MAGI1: variants seen among roughly 807,000 people sequenced by gnomAD.
MAGI1 encodes the protein membrane-associated guanylate kinase, WW and PDZ domain-containing protein 1.
MAGI1 carries 58 observed loss-of-function variants against 139.9 expected under a neutral mutation model. The observed-to-expected ratio is 0.41, with a 90% confidence interval of 0.34 to 0.52. MAGI1 has a LOEUF of 0.52. MAGI1 is among the 20% of genes least tolerant of loss of function. The pLI, the probability that MAGI1 is intolerant of heterozygous loss-of-function variation, is 0.12. For synonymous variants in MAGI1, 812 were observed against 737.9 expected (o/e 1.10, Z -1.63); for missense variants, 1,874 against 1,901.6 (o/e 0.99, Z 0.27).
At chr3:65,366,251 TG>T (rs1045638219) in intron 18 of MAGI1, among the ~76,000 whole-genome samples, 1 of 152,222 alleles carries the variant, frequency 6.6e-6, no homozygotes. Flanking sequence ...TATGAGACCT[TG>T]TATAAGTTAT....
intron 1 of MAGI1, among the ~76,000 whole-genome samples, chr3:65,857,006 G>A (rs73832985): frequency 2.0e-4 from 31 of 152,226 alleles, no homozygotes; most frequent in African/African-American, 6.7e-4. Flanking sequence ...ACACCCTGAC[G>A]GCCCTGTTTA....
intron 1 of MAGI1, among the ~76,000 whole-genome samples, chr3:65,893,379 G>A (rs2108584972): frequency 6.8e-6 from 1 of 146,352 alleles, no homozygotes; most frequent in East Asian, 2.0e-4. Context: ...CCGGTTTCTT[G>A]CCTGGAGAAA....
intron 1 of MAGI1, among the ~76,000 whole-genome samples, chr3:65,788,270 C>T (rs929824013): frequency 6.6e-6 from 1 of 152,212 alleles, no homozygotes; most frequent in Non-Finnish European, 1.5e-5. Flanking sequence ...ACACAATGAT[C>T]CCACACGCTT....
At chr3:65,758,390 G>A (rs2036725568) in intron 1 of MAGI1, among the ~76,000 whole-genome samples, 1 of 152,134 alleles carries the variant, frequency 6.6e-6, no homozygotes, top group African/African-American at 2.4e-5. Flanking sequence ...CAGTCTGACT[G>A]CTCTTTTCTT....
intron 1 of MAGI1, among the ~76,000 whole-genome samples, chr3:65,815,688 A>G (rs1432143344): frequency 6.6e-6 from 1 of 152,168 alleles, no homozygotes; most frequent in Non-Finnish European, 1.5e-5. Flanking sequence ...TACATTTGAA[A>G]TATTAAAATT....
At chr3:65,477,936 C>T (rs1051581289) in intron 4 of MAGI1, among the ~76,000 whole-genome samples, 51 of 151,178 alleles carry the variant, frequency 3.4e-4, no homozygotes, top group South Asian at 1.0e-3. Flanking sequence ...TACCTAAGCT[C>T]GGAGGTAGAC....
At chr3:65,365,505 T>C (rs141063270) in intron 18 of MAGI1, among the ~76,000 whole-genome samples, 2 of 152,342 alleles carry the variant, frequency 1.3e-5, no homozygotes, top group African/African-American at 4.8e-5. Context: ...ATGGAACTCC[T>C]GACAGATCTT....
chr3:65,872,949 G>T (rs773364169), intron 1 of MAGI1: 2 of 152,094 alleles, frequency 1.3e-5, no homozygotes, highest in African/African-American at 4.8e-5. Context: ...GTCTCCCAGG[G>T]TACTTATGAT....
At chr3:65,536,312 C>T (rs1055900431) in intron 2 of MAGI1, among the ~76,000 whole-genome samples, 22 of 152,208 alleles carry the variant, frequency 1.4e-4, no homozygotes, top group Middle Eastern at 3.4e-3. Context: ...CTTCCCATAT[C>T]GGAAGGTCTC....
intron 5 of MAGI1, among the ~76,000 whole-genome samples, chr3:65,463,733 T>C (rs904653132): frequency 4.6e-5 from 7 of 152,162 alleles, no homozygotes; most frequent in African/African-American, 1.7e-4. Context: ...CTGGTAGTAT[T>C]TGGCTGTGAA....
intron 1 of MAGI1, among the ~76,000 whole-genome samples, chr3:65,728,535 T>A (rs2033854137): frequency 6.6e-6 from 1 of 152,114 alleles, no homozygotes; most frequent in Non-Finnish European, 1.5e-5. Context: ...CCCCTAAACA[T>A]GGTAAGTTAC....
chr3:65,809,726 G>T (rs531742669), intron 1 of MAGI1, among the ~76,000 whole-genome samples: 43 of 152,286 alleles, frequency 2.8e-4, no homozygotes, highest in African/African-American at 1.0e-3. Flanking sequence ...GTGGCGCCCA[G>T]TTACCAAAGG....
intron 1 of MAGI1, among the ~76,000 whole-genome samples, chr3:65,805,242 G>T (rs995410955): frequency 6.6e-6 from 1 of 151,772 alleles, no homozygotes; most frequent in Non-Finnish European, 1.5e-5. Context: ...AAATTTACAA[G>T]AAAAAACAAA....
chr3:65,980,055 G>A (rs2065487547), intron 1 of MAGI1, among the ~76,000 whole-genome samples: 1 of 152,174 alleles, frequency 6.6e-6, no homozygotes, highest in African/African-American at 2.4e-5. Flanking sequence ...ATCTGGATGA[G>A]GGTGGGACAA....
chr3:65,615,149 C>A (rs1235187571), intron 2 of MAGI1, among the ~76,000 whole-genome samples: 1 of 151,980 alleles, frequency 6.6e-6, no homozygotes, highest in Non-Finnish European at 1.5e-5. Flanking sequence ...TAATAAATGG[C>A]ATAATCCACC....
chr3:65,812,464 T>TCACACACACACACA (rs1266501515), intron 1 of MAGI1, among the ~76,000 whole-genome samples: 12 of 93,652 alleles, frequency 1.3e-4, no homozygotes, highest in African/African-American at 4.3e-4. Context: ...TCTCTCTCTC[T>TCACACACACACACA]CTCTCACACA....
At chr3:65,382,621 T>C (rs1446599663) in intron 15 of MAGI1, among the ~76,000 whole-genome samples, 1 of 152,206 alleles carries the variant, frequency 6.6e-6, no homozygotes, top group Non-Finnish European at 1.5e-5. Flanking sequence ...TTAGCTAAAA[T>C]ATTTGTGCCT....
At chr3:65,982,683 G>A (rs1288321146) in intron 1 of MAGI1, among the ~76,000 whole-genome samples, 1 of 152,042 alleles carries the variant, frequency 6.6e-6, no homozygotes, top group African/African-American at 2.4e-5. Flanking sequence ...TCTGGTAATA[G>A]GGCTCATGTG....
intron 4 of MAGI1, among the ~76,000 whole-genome samples, chr3:65,477,692 C>CATTATTATTATT (rs145971501): frequency 1.2e-4 from 16 of 138,612 alleles, no homozygotes; most frequent in Admixed American, 5.1e-4. Context: ...GAACACGCAA[C>CATTATTATTATT]ATTATTATTA....
Sources: allele counts gnomAD v4.1 joint callset (sites outside exome capture counted in the v4.1 genomes callset), GRCh38; gene constraint gnomAD v4.1.1; transcripts MANE v1.5; gene names NCBI Gene and HGNC (gene_info 2026-07-23, HGNC 2026-07-21).